ADCY7: variants seen among roughly 807,000 people sequenced by gnomAD.
ADCY7 encodes the protein adenylate cyclase type 7.
In ADCY7, 72 loss-of-function variants were observed where a neutral mutation model predicts 120.6. The observed-to-expected ratio is 0.60, with a 90% CI of 0.49 to 0.73. The LOEUF (loss-of-function observed/expected upper bound fraction) is 0.73. ADCY7 is among the 30% of genes least tolerant of loss of function. The probability of loss-of-function intolerance (pLI) is 0.00; values close to 1 mark genes in which losing one functional copy is unlikely to be tolerated. For synonymous variants in ADCY7, 661 were observed against 628.0 expected (o/e 1.05, Z -0.78); for missense variants, 1,227 against 1,486.0 (o/e 0.83, Z 2.87).
rs138018203 is a variant in ADCY7, at chr16:50,297,098, G to A, written c.949-1806G>A. 5.6e-4 allele frequency among the ~76,000 whole-genome samples: 86 copies of A among 152,374 alleles called. No homozygotes were observed. The highest frequency in any genetic ancestry group is 1.3e-3 in the African/African-American group (56 of 41,588). On this transcript the variant is annotated intron_variant, in intron 7 of 25. Coordinates refer to ENST00000673801, the MANE Select transcript of ADCY7 (RefSeq NM_001114.5). The surrounding 1 kb of genome is among the most constrained non-coding windows in gnomAD (Gnocchi z 4.4). ...TCCCTCTCCAGCAGGCCCAGGAGGC[G>A]TGGCCCTATTGCACAGATGGGGAAA...
intron 1 of ADCY7, among the ~76,000 whole-genome samples, chr16:50,254,670 A>G (rs2032857924): frequency 1.3e-5 from 2 of 152,328 alleles, no homozygotes; most frequent in Non-Finnish European, 1.5e-5. Flanking sequence ...GATTGGAAGA[A>G]TTAATATCGT....
chr16:50,262,213 C>G (rs1436176007), upstream of ADCY7, among the ~76,000 whole-genome samples: 5 of 151,898 alleles, frequency 3.3e-5, no homozygotes, highest in Non-Finnish European at 7.4e-5. Context: ...CCCCTAAACT[C>G]TGGGCCACAT....
chr16:50,283,486 C>T (rs1357034157), intron 1 of ADCY7, among the ~76,000 whole-genome samples: 1 of 152,226 alleles, frequency 6.6e-6, no homozygotes, highest in Non-Finnish European at 1.5e-5. Context: ...AGGCCTGTGG[C>T]ATTAGGGCTT....
chr16:50,293,441 C>T lies in ADCY7; in HGVS notation c.775C>T (p.Arg259Cys), dbSNP rs752186911. 35 of 1,613,902 alleles carry T rather than the reference C, an allele frequency of 2.2e-5. 1 individual carries two copies. The highest frequency in any genetic ancestry group is 2.1e-4 in the South Asian group (19 of 91,086). Residue 259 changes from arginine to cysteine, a missense_variant, in exon 6 of 26, where the codon CGT becomes TGT. Transcript: ENST00000673801. Reference protein sequence around the residue: ...IIERLKEHGDRRCMPDNNFHS... With the variant: ...IIERLKEHGDCRCMPDNNFHS... ...CGAACGGCTCAAGGAGCATGGTGAC[C>T]GTCGCTGCATGCCTGACAACAACTT...
intron 1 of ADCY7, among the ~76,000 whole-genome samples, chr16:50,248,244 T>A (rs987582382): frequency 3.9e-5 from 6 of 152,106 alleles, no homozygotes; most frequent in Admixed American, 3.3e-4. Context: ...TCCCTCTTCC[T>A]GTTCGTACCC....
chr16:50,310,963 T>C, intron 19 of ADCY7, 83 bp downstream of exon 19: 2 of 1,392,576 alleles, frequency 1.4e-6, no homozygotes, highest in Non-Finnish European at 1.9e-6. Context: ...GGGGCTTCTG[T>C]GTTCATGGGG....
chr16:50,291,700 T>A (rs375244085), intron 3 of ADCY7, 36 bp from the exon 4 acceptor site: 39 of 1,612,956 alleles, frequency 2.4e-5, no homozygotes, highest in Non-Finnish European at 3.3e-5. Context: ...TGGGGCAGCA[T>A]CTTGGGGCAC....
chr16:50,284,054 G>A (rs2034437955), intron 1 of ADCY7, among the ~76,000 whole-genome samples: 1 of 152,188 alleles, frequency 6.6e-6, no homozygotes, highest in South Asian at 2.1e-4. Flanking sequence ...GAGGGCTGGT[G>A]GAAGAACTGG....
chr16:50,281,565 G>T (rs1190324591), intron 1 of ADCY7, among the ~76,000 whole-genome samples: 1 of 152,226 alleles, frequency 6.6e-6, no homozygotes, highest in African/African-American at 2.4e-5. Context: ...CACGTCACAG[G>T]TGTTTGCCAG....
At chr16:50,309,434 C>G in intron 17 of ADCY7, 114 bp from the exon 18 acceptor site, 1 of 821,826 alleles carries the variant, frequency 1.2e-6, no homozygotes, top group Non-Finnish European at 1.9e-6. Flanking sequence ...CTGATCCCAA[C>G]GTGAAACCTC....
chr16:50,304,679 C>G, intron 11 of ADCY7, 128 bp downstream of exon 11: 1 of 1,084,832 alleles, frequency 9.2e-7, no homozygotes, highest in Non-Finnish European at 1.3e-6. Context: ...ACAGCCTCTG[C>G]CCCACCTCCT....
At chr16:50,299,146 TGG>T in intron 8 of ADCY7, 115 bp downstream of exon 8, 1 of 1,379,072 alleles carries the variant, frequency 7.3e-7, no homozygotes, top group South Asian at 1.5e-5. Flanking sequence ...CTCGGGGGGT[TGG>T]GGGTGAAAGC....
At chr16:50,312,007 CG>C (rs776572684) in intron 20 of ADCY7, 28 bp from the exon 21 acceptor site, 74 of 1,612,346 alleles carry the variant, frequency 4.6e-5, no homozygotes, top group Non-Finnish European at 6.2e-5. Context: ...TGCCTGTGGA[CG>C]GGGCGCTTAT....
intron 1 of ADCY7, among the ~76,000 whole-genome samples, chr16:50,276,746 A>C (rs747426542): frequency 1.3e-5 from 2 of 152,026 alleles, no homozygotes; most frequent in Non-Finnish European, 2.9e-5. Flanking sequence ...GGCATGTACC[A>C]CTGTGCCTGG....
intron 14 of ADCY7, 95 bp from the exon 15 acceptor site, chr16:50,306,955 G>A: frequency 1.1e-6 from 1 of 928,476 alleles, no homozygotes; most frequent in South Asian, 1.5e-5. Context: ...CACTGTCCCA[G>A]CAGGGAGGTG....
intron 10 of ADCY7, among the ~76,000 whole-genome samples, chr16:50,302,464 C>T (rs2035793978): frequency 6.6e-6 from 1 of 152,202 alleles, no homozygotes; most frequent in African/African-American, 2.4e-5. Flanking sequence ...CCTGGGCCGA[C>T]TTGAATTTCA....
At chr16:50,289,772 C>T (rs985242437) in intron 2 of ADCY7, among the ~76,000 whole-genome samples, 1 of 152,230 alleles carries the variant, frequency 6.6e-6, no homozygotes, top group African/African-American at 2.4e-5. Context: ...AGCCCATTTT[C>T]TTTTTAGTGA....
At chr16:50,294,525 G>T (rs1049179068) in intron 6 of ADCY7, 115 bp from the exon 7 acceptor site, 19 of 655,472 alleles carry the variant, frequency 2.9e-5, no homozygotes, top group Non-Finnish European at 4.5e-5. Flanking sequence ...AAGGACGGGG[G>T]TGAATGGGCT....
Position 50,308,451 on chromosome 16 carries a change from G to T in ADCY7, c.1935+40G>T, listed in dbSNP as rs750809722. 21 of 1,612,420 alleles carry T rather than the reference G, an allele frequency of 1.3e-5. No homozygotes were observed. The South Asian group carries it at 1.9e-4, about 14-fold the overall frequency. On this transcript the variant is annotated intron_variant, in intron 16 of 25. Coordinates refer to ENST00000673801, the MANE Select transcript of ADCY7 (RefSeq NM_001114.5). ...CTGGCCCCGCGGGCCCTCCCTCCCT[G>T]CCTCAGGACACCTGCCTAGGAGCCC...
Sources: allele counts gnomAD v4.1 joint callset (sites outside exome capture counted in the v4.1 genomes callset), GRCh38; gene constraint gnomAD v4.1.1; non-coding constraint Gnocchi (gnomAD v3.1); transcripts MANE v1.5; gene names NCBI Gene and HGNC (gene_info 2026-07-23, HGNC 2026-07-21).